Variants in MNS1 observed in about 807,000 individuals in gnomAD.
MNS1 encodes meiosis-specific nuclear structural protein 1.
Under a neutral mutation model 72.0 loss-of-function variants are expected in MNS1, and 63 were observed. The ratio of observed to expected loss-of-function variants is 0.87; its 90% confidence interval spans 0.71 to 1.08. The LOEUF (loss-of-function observed/expected upper bound fraction) is 1.08. Among genes scored for constraint, MNS1 ranks in the 50% least tolerant of loss-of-function variants. The pLI is 0.00. For missense variants in MNS1, 604 were observed against 562.4 expected (o/e 1.07, Z -0.75); for synonymous variants, 188 against 172.1 (o/e 1.09, Z -0.72).
At chr15:56,452,090 TC>T (rs1293508503) in intron 3 of MNS1, among the ~76,000 whole-genome samples, 1 of 152,232 alleles carries the variant, frequency 6.6e-6, no homozygotes, top group East Asian at 1.9e-4. Context: ...GTCTTCCCTG[TC>T]CTATGTTCTC....
chr15:56,463,512 G>A (rs1244973741), intron 2 of MNS1, among the ~76,000 whole-genome samples: 2 of 152,078 alleles, frequency 1.3e-5, no homozygotes, highest in Admixed American at 6.6e-5. Context: ...GGCTGGGCGC[G>A]GTGGCTCACC....
At chr15:56,464,673 T>G (rs997364560) in intron 1 of MNS1, among the ~76,000 whole-genome samples, 7 of 152,178 alleles carry the variant, frequency 4.6e-5, no homozygotes, top group African/African-American at 7.2e-5. Context: ...AATAGGTCAA[T>G]TCGCCGCTAT....
At chr15:56,431,315 A>G in intron 9 of MNS1, 58 bp downstream of exon 9, 1 of 1,575,636 alleles carries the variant, frequency 6.3e-7, no homozygotes. Context: ...TCCAAATACC[A>G]TGTTTTTTTC....
chr15:56,429,075 C>T lies in MNS1; in HGVS notation c.*26G>A. 2 of 1,475,668 alleles carry T rather than the reference C, an allele frequency of 1.4e-6. No individual in the cohort carries two copies. Among genetic ancestry groups the T allele is most frequent in the Non-Finnish European group, 1.9e-6 (2 of 1,077,110 alleles). The allele number at this position is 1,475,668 out of a possible 1,614,324, so 91.4% of individuals were successfully genotyped here. A position where few individuals can be genotyped will look rare whatever the true frequency, so the allele number is the denominator to read the frequency against. On this transcript the variant is annotated 3_prime_UTR_variant, in exon 10 of 10. Transcript: ENST00000260453. Reference sequence around the variant, plus strand: ...CATCTAGTGGTAACATGCAAAAAATCTATGCTTTACCCAATTTTGATGATA... The same window carrying T: ...CATCTAGTGGTAACATGCAAAAAATTTATGCTTTACCCAATTTTGATGATA...
At chr15:56,452,065 A>G (rs1259583612) in intron 3 of MNS1, among the ~76,000 whole-genome samples, 1 of 152,184 alleles carries the variant, frequency 6.6e-6, no homozygotes, top group African/African-American at 2.4e-5. Context: ...ACAAGCTTAT[A>G]TCTTCTTTCT....
At position 56,443,530 on chromosome 15, in the gene MNS1, T is replaced by A; in HGVS notation, c.911A>T (p.Gln304Leu). ...KRLQLQNALT[Q>L]KLEEMLRQRE... ...TTGCCGCAGCATTTCTTCTAATTTC[T>A]GTGTCAACTATTAAATTTTTTAAAA... The change falls in exon 7 of 10, where the codon CAG becomes CTG. Residue 304 changes from glutamine (Q) to leucine (L), a missense_variant. Physicochemically the swap from Gln to Leu is moderately radical, Grantham distance 113 (BLOSUM62 -2). Transcript: ENST00000260453. The A allele has an allele frequency of 1.9e-6, 3 of 1,589,658 alleles. No individual in the cohort carries two copies. The highest frequency in any genetic ancestry group is 2.6e-6 in the Non-Finnish European group (3 of 1,172,996).
At chr15:56,443,205 C>T (rs1480384498) in intron 7 of MNS1, among the ~76,000 whole-genome samples, 1 of 152,140 alleles carries the variant, frequency 6.6e-6, no homozygotes, top group Non-Finnish European at 1.5e-5. Context: ...ATTGTGATTA[C>T]AGACAACATA....
At chr15:56,454,030 T>G (rs1211038941) in intron 3 of MNS1, among the ~76,000 whole-genome samples, 1 of 152,148 alleles carries the variant, frequency 6.6e-6, no homozygotes, top group Admixed American at 6.5e-5. Flanking sequence ...CAGTGAAAAT[T>G]TTAATATGGC....
intron 2 of MNS1, among the ~76,000 whole-genome samples, chr15:56,461,579 T>C (rs1183594360): frequency 6.8e-6 from 1 of 146,770 alleles, no homozygotes; most frequent in Non-Finnish European, 1.5e-5. Flanking sequence ...AAGAATCTCT[T>C]GAACCCAGAA....
At chr15:56,438,799 A>T (rs1194556695) in intron 7 of MNS1, among the ~76,000 whole-genome samples, 4 of 152,122 alleles carry the variant, frequency 2.6e-5, no homozygotes, top group Non-Finnish European at 4.4e-5. Flanking sequence ...TACAAGAAAA[A>T]ATCAAACAAC....
chr15:56,444,351 G>T, intron 5 of MNS1, 93 bp downstream of exon 5: 1 of 1,017,264 alleles, frequency 9.8e-7, no homozygotes, highest in Non-Finnish European at 1.4e-6. Context: ...CTATGTATTA[G>T]GCACTGTTCT....
Position 56,431,354 on chromosome 15 carries a change from TGA to T in MNS1, c.1395+17_1395+18del. Reference sequence around the variant, plus strand: ...ATTACAGGTCATGAAGATTACAACTTGAGATAAATCTCACTTACTTTAGGGAG... The same window carrying T: ...ATTACAGGTCATGAAGATTACAACTTGATAAATCTCACTTACTTTAGGGAG... On this transcript the variant is annotated intron_variant, in intron 9 of 9. Coordinates refer to ENST00000260453, the MANE Select transcript of MNS1 (RefSeq NM_018365.4). 6.2e-7 allele frequency: 1 copy of T among 1,607,978 alleles called. No individual in the cohort carries two copies. The highest frequency in any genetic ancestry group is 1.3e-5 in the African/African-American group (1 of 74,696).
chr15:56,436,292 A>G (rs933877688), intron 7 of MNS1, among the ~76,000 whole-genome samples: 6 of 152,242 alleles, frequency 3.9e-5, no homozygotes, highest in Non-Finnish European at 7.3e-5. Context: ...AGAACTCAGG[A>G]TTAAGAAACT....
At chr15:56,435,858 A>G (rs1473684431) in intron 7 of MNS1, among the ~76,000 whole-genome samples, 1 of 152,098 alleles carries the variant, frequency 6.6e-6, no homozygotes, top group Non-Finnish European at 1.5e-5. Flanking sequence ...AAAAAATTAC[A>G]GACCAATATT....
intron 2 of MNS1, among the ~76,000 whole-genome samples, chr15:56,460,633 T>C (rs369525026): frequency 6.6e-6 from 1 of 152,352 alleles, no homozygotes; most frequent in East Asian, 1.9e-4. Flanking sequence ...TTTGCAACTC[T>C]CCTATAAATC....
At position 56,464,241 on chromosome 15, in the gene MNS1, T is replaced by A. The variant is rs779819684; in HGVS notation, c.10A>T (p.Lys4Ter). The A allele has an allele frequency of 1.9e-5, 31 of 1,599,452 alleles. No individual in the cohort carries two copies. In the South Asian group the frequency reaches 3.5e-4, roughly 18 times the overall value. The change falls in exon 2 of 10, where the codon AAA becomes TAA. Residue 4 changes from lysine (K) to a stop codon, truncating the protein, a stop_gained. Transcript: ENST00000260453. LOFTEE classifies it high-confidence loss of function. Reference sequence around the variant, plus strand: ...TCACTACAGCTCAAATTTCTCCTTTTGGAACCCTACGATGGAAGAAAAAAA... The same window carrying A: ...TCACTACAGCTCAAATTTCTCCTTTAGGAACCCTACGATGGAAGAAAAAAA... MGS[K>*]RRNLSCSERH...
At chr15:56,433,417 T>TA (rs33946688) in intron 8 of MNS1, among the ~76,000 whole-genome samples, 19 of 344 alleles carry the variant, frequency 0.055, no homozygotes, top group Non-Finnish European at 0.1. Flanking sequence ...TCCTGGAACT[T>TA]AAAAATATTA....
chr15:56,451,887 T>C lies in MNS1; in HGVS notation c.353+4507A>G, dbSNP rs560939983. On this transcript the variant is annotated intron_variant, in intron 3 of 9. Coordinates refer to ENST00000260453, the MANE Select transcript of MNS1 (RefSeq NM_018365.4). Reference sequence around the variant, plus strand: ...TATAAAGATTGCCTAGATTTTTTTTTATTACTTACGTCTAGTTTAATTCCA... The same window carrying C: ...TATAAAGATTGCCTAGATTTTTTTTCATTACTTACGTCTAGTTTAATTCCA... Among the ~76,000 whole-genome samples, 5 of 152,350 alleles carry C rather than the reference T, an allele frequency of 3.3e-5. No individual in the cohort carries two copies. In the South Asian group the frequency reaches 1.0e-3, roughly 32 times the overall value.
intron 4 of MNS1, 83 bp downstream of exon 4, chr15:56,446,758 C>T (rs1238727986): frequency 3.0e-6 from 3 of 1,007,370 alleles, no homozygotes; most frequent in Admixed American, 2.2e-5. Context: ...ATTCTTTATA[C>T]AATATGACAA....
Sources: gnomAD v4.1 joint callset for allele counts (sites outside exome capture counted in the v4.1 genomes callset) on GRCh38, gnomAD v4.1.1 for gene constraint, MANE v1.5 for transcripts, NCBI Gene and HGNC (gene_info 2026-07-23, HGNC 2026-07-21) for gene names.